The following CLEC16A variants were observed in gnomAD, a reference collection of about 807,000 sequenced individuals.
CLEC16A encodes C-type lectin domain containing 16A, also known as protein CLEC16A.
Under a neutral mutation model 109.5 loss-of-function variants are expected in CLEC16A, and 51 were observed. The ratio of observed to expected loss-of-function variants is 0.47; its 90% confidence interval spans 0.37 to 0.59. The LOEUF (loss-of-function observed/expected upper bound fraction) is 0.59, where lower values mean the gene tolerates loss of function less well. Among genes scored for constraint, CLEC16A ranks in the 20% least tolerant of loss-of-function variants. CLEC16A has a pLI of 0.00. For missense variants in CLEC16A, 1,339 were observed against 1,394.0 expected (o/e 0.96, Z 0.63); for synonymous variants, 673 against 564.2 (o/e 1.19, Z -2.73).
At position 10,971,008 on chromosome 16, in the gene CLEC16A, A is replaced by ATTTTTTTTTTTTTTTTTTTT; in HGVS notation, c.493-100_493-99insTTTTTTTTTTTTTTTTTTTT. ...CTGACTTACGGTTCACATTGGCAAC[A>ATTTTTTTTTTTTTTTTTTTT]TTTTTTTTTTTTTTTTTGTCTTTTT... On this transcript the variant is annotated intron_variant, in intron 4 of 23. Transcript: ENST00000409790. The ATTTTTTTTTTTTTTTTTTTT allele has an allele frequency of 2.0e-5, 10 of 506,592 alleles. 2 individuals are homozygous for ATTTTTTTTTTTTTTTTTTTT. Among genetic ancestry groups the ATTTTTTTTTTTTTTTTTTTT allele is most frequent in the East Asian group, 3.4e-5 (1 of 29,232 alleles). 31.4% of individuals were successfully genotyped at this position (506,592 alleles called of 1,614,324 possible). A position where few individuals can be genotyped will look rare whatever the true frequency, so the allele number is the denominator to read the frequency against.
intron 22 of CLEC16A, among the ~76,000 whole-genome samples, chr16:11,165,790 G>A (rs761639718): frequency 2.6e-5 from 4 of 152,106 alleles, no homozygotes; most frequent in East Asian, 1.9e-4. Context: ...TCCAGGTCCC[G>A]GAGATGCTGA....
intron 13 of CLEC16A, chr16:11,026,985 G>A: frequency 1.3e-6 from 2 of 1,549,224 alleles, no homozygotes; most frequent in South Asian, 2.2e-5. Context: ...TTCCCATGTG[G>A]TGGGGTTGCG....
chr16:11,160,626 TAACTC>T (rs1422318109), intron 22 of CLEC16A, among the ~76,000 whole-genome samples: 1 of 152,220 alleles, frequency 6.6e-6, no homozygotes, highest in African/African-American at 2.4e-5. Context: ...CTAGGGGACT[TAACTC>T]ACATCCCCGC....
At chr16:11,082,159 AAAAC>A (rs1237645406) in intron 19 of CLEC16A, among the ~76,000 whole-genome samples, 16 of 152,376 alleles carry the variant, frequency 1.1e-4, no homozygotes, top group Non-Finnish European at 1.3e-4. Flanking sequence ...CTCTTGTTAA[AAAAC>A]AAACCCAAAA....
At chr16:11,173,477 C>CTG (rs1458998892) in intron 23 of CLEC16A, among the ~76,000 whole-genome samples, 1 of 111,090 alleles carries the variant, frequency 9.0e-6, no homozygotes, top group African/African-American at 3.9e-5. Context: ...CGCTCTCCTG[C>CTG]TGTGGTTCAG....
chr16:10,971,108 T>C lies in CLEC16A; in HGVS notation c.493-17T>C, dbSNP rs1375310136. The C allele has an allele frequency of 1.3e-6, 2 of 1,581,354 alleles. No homozygotes were observed. The highest frequency in any genetic ancestry group is 2.7e-5 in the African/African-American group (2 of 74,152). Reference sequence around the variant, plus strand: ...TTATGGGCTTATAATTTGTTTTCGTTATTTCTTTTGTTTTAGCACACCAAT... The same window carrying C: ...TTATGGGCTTATAATTTGTTTTCGTCATTTCTTTTGTTTTAGCACACCAAT... On this transcript the variant is annotated splice_polypyrimidine_tract_variant and intron_variant, in intron 4 of 23. Coordinates refer to ENST00000409790, the MANE Select transcript of CLEC16A (RefSeq NM_015226.3).
intron 22 of CLEC16A, among the ~76,000 whole-genome samples, chr16:11,138,593 G>A (rs1324001045): frequency 3.3e-5 from 5 of 152,308 alleles, no homozygotes; most frequent in African/African-American, 7.2e-5. Flanking sequence ...GGTGATGCCC[G>A]TGGGCGGATG....
At chr16:11,031,938 G>T (rs1166868583) in intron 13 of CLEC16A, among the ~76,000 whole-genome samples, 1 of 152,204 alleles carries the variant, frequency 6.6e-6, no homozygotes, top group East Asian at 1.9e-4. Flanking sequence ...TGGAGCACCG[G>T]CCGTGTGCCA....
intron 19 of CLEC16A, among the ~76,000 whole-genome samples, chr16:11,078,860 GT>G (rs1215969920): frequency 1.3e-5 from 2 of 152,116 alleles, no homozygotes; most frequent in Non-Finnish European, 2.9e-5. Flanking sequence ...GAGGCCTGTG[GT>G]ATTTAAGCTG....
intron 23 of CLEC16A, among the ~76,000 whole-genome samples, chr16:11,168,050 C>T (rs983015623): frequency 5.3e-5 from 8 of 152,148 alleles, no homozygotes; most frequent in African/African-American, 9.7e-5. Context: ...TTTTTAAGGA[C>T]GTACAGCCAA....
chr16:11,132,187 C>A (rs2053250565), intron 22 of CLEC16A, among the ~76,000 whole-genome samples: 1 of 152,032 alleles, frequency 6.6e-6, no homozygotes, highest in East Asian at 1.9e-4. Context: ...ACATTTCCAT[C>A]CCCTCAAAAG....
At chr16:11,105,833 G>A (rs985500511) in intron 19 of CLEC16A, among the ~76,000 whole-genome samples, 1 of 152,220 alleles carries the variant, frequency 6.6e-6, no homozygotes, top group Non-Finnish European at 1.5e-5. Flanking sequence ...GAGTGAGCCA[G>A]TGACAGATTT....
At chr16:11,085,444 C>T (rs1206226757) in intron 19 of CLEC16A, among the ~76,000 whole-genome samples, 2 of 152,278 alleles carry the variant, frequency 1.3e-5, no homozygotes, top group East Asian at 1.9e-4. Flanking sequence ...AGCTTTGTCA[C>T]GTGCGTGAGG....
In CLEC16A at chr16:11,135,319, G is replaced by A. The variant is rs551507456; in HGVS notation, c.2641+9173G>A. Among the ~76,000 whole-genome samples, 3 of 152,286 alleles carry A rather than the reference G, an allele frequency of 2.0e-5. No homozygotes were observed. In the South Asian group the frequency reaches 6.2e-4, roughly 32 times the overall value. On this transcript the variant is annotated intron_variant, in intron 22 of 23. Coordinates refer to ENST00000409790, the MANE Select transcript of CLEC16A (RefSeq NM_015226.3). ...GAGAGCCTCAGGGAATCTGGAGCTG[G>A]GCTCACACAGCCAGAGAAGGAACCG...
chr16:11,033,128 G>A (rs1443309429), intron 13 of CLEC16A, among the ~76,000 whole-genome samples: 2 of 152,118 alleles, frequency 1.3e-5, no homozygotes, highest in African/African-American at 2.4e-5. Context: ...TTATTTCAGC[G>A]CTAGAGCCAG....
intron 3 of CLEC16A, among the ~76,000 whole-genome samples, chr16:10,965,884 G>A (rs1046340399): frequency 7.2e-5 from 11 of 152,152 alleles, no homozygotes; most frequent in East Asian, 1.9e-4. Flanking sequence ...GGAGCCTGTC[G>A]CTGTTCCAGC....
In CLEC16A at chr16:11,174,206, C is replaced by T. The variant is rs968657885; in HGVS notation, c.2807-4129C>T. 1.3e-4 allele frequency: 59 copies of T among 469,434 alleles called. No homozygotes were observed. The highest frequency in any genetic ancestry group is 1.1e-3 in the African/African-American group (57 of 50,194). The allele number at this position is 469,434 out of a possible 1,614,324, so 29.1% of individuals were successfully genotyped here. On this transcript the variant is annotated intron_variant, in intron 23 of 23. Coordinates refer to ENST00000409790, the MANE Select transcript of CLEC16A (RefSeq NM_015226.3). This position sits in a 1 kb window ranked among gnomAD's most constrained non-coding sequence, Gnocchi z 4.7. The stretch of plus-strand genomic sequence containing the variant: ...GAGTGTTCAGCCTGTCGGAGGCCGA[C>T]AGTCATGGCGGCCACTGGGTTTAGT...
chr16:11,156,007 C>T (rs1264613205), intron 22 of CLEC16A, among the ~76,000 whole-genome samples: 1 of 152,174 alleles, frequency 6.6e-6, no homozygotes, highest in Non-Finnish European at 1.5e-5. Context: ...TACGGCCTCC[C>T]TGCTTCTGGC....
At chr16:11,067,488 T>A (rs905927406) in intron 19 of CLEC16A, among the ~76,000 whole-genome samples, 2 of 152,042 alleles carry the variant, frequency 1.3e-5, no homozygotes, top group South Asian at 2.1e-4. Flanking sequence ...TTGGGGAAGA[T>A]GAGAGACGGC....
Sources: gnomAD v4.1 joint callset for allele counts (sites outside exome capture counted in the v4.1 genomes callset) on GRCh38, gnomAD v4.1.1 for gene constraint, Gnocchi (gnomAD v3.1) non-coding constraint, MANE v1.5 for transcripts, NCBI Gene and HGNC (gene_info 2026-07-23, HGNC 2026-07-21) for gene names.